Variants in CSMD1 observed in about 807,000 individuals in gnomAD.
CSMD1 encodes the protein CUB and sushi domain-containing protein 1.
In CSMD1, 213 loss-of-function variants were observed where a neutral mutation model predicts 417.5. The observed-to-expected ratio is 0.51, with a 90% CI of 0.46 to 0.57. CSMD1 has a LOEUF of 0.57. CSMD1 is among the 20% of genes least tolerant of loss of function. The probability of loss-of-function intolerance (pLI) is 0.00; values close to 1 mark genes in which losing one functional copy is unlikely to be tolerated. For missense variants in CSMD1, 6,923 were observed against 4,529.7 expected, an observed-to-expected ratio of 1.53 and a Z score of -15.17; for synonymous variants, 2,862 against 1,736.8, an observed-to-expected ratio of 1.65 and a Z score of -16.11.
intron 10 of CSMD1, among the ~76,000 whole-genome samples, chr8:3,512,807 T>C (rs1797131893): frequency 6.6e-6 from 1 of 151,966 alleles, no homozygotes; most frequent in Non-Finnish European, 1.5e-5. Context: ...GGTTTCACCA[T>C]GTTGGCTAGG....
intron 5 of CSMD1, among the ~76,000 whole-genome samples, chr8:3,935,488 T>C (rs974329481): frequency 6.6e-6 from 1 of 152,186 alleles, no homozygotes; most frequent in African/African-American, 2.4e-5. Context: ...TTATTCCAAT[T>C]GCATCTACTC....
chr8:4,055,815 G>A (rs531056803), intron 3 of CSMD1, among the ~76,000 whole-genome samples: 1 of 151,250 alleles, frequency 6.6e-6, no homozygotes, highest in African/African-American at 2.5e-5. Flanking sequence ...CACTGAAGCA[G>A]AAGTGTTGAT....
chr8:4,279,942 A>G (rs1339279086), intron 3 of CSMD1, among the ~76,000 whole-genome samples: 3 of 152,226 alleles, frequency 2.0e-5, no homozygotes, highest in Non-Finnish European at 4.4e-5. Context: ...AAATCACAAG[A>G]AAAGTACATA....
intron 3 of CSMD1, among the ~76,000 whole-genome samples, chr8:4,113,826 G>C (rs1307723413): frequency 6.6e-6 from 1 of 152,250 alleles, no homozygotes; most frequent in African/African-American, 2.4e-5. Context: ...CTTAAACCAA[G>C]GCCTACTTCA....
At chr8:3,780,970 T>C (rs1024928508) in intron 5 of CSMD1, among the ~76,000 whole-genome samples, 4 of 152,232 alleles carry the variant, frequency 2.6e-5, no homozygotes, top group African/African-American at 9.6e-5. Context: ...TCTGTCTTCA[T>C]GATCTGAAAA....
intron 3 of CSMD1, among the ~76,000 whole-genome samples, chr8:4,350,851 G>A (rs1801050608): frequency 6.6e-6 from 1 of 152,158 alleles, no homozygotes; most frequent in Non-Finnish European, 1.5e-5. Flanking sequence ...GACACTATCT[G>A]CCAGTGGCTC....
chr8:3,551,788 G>C (rs1798926757), intron 10 of CSMD1, among the ~76,000 whole-genome samples: 1 of 152,066 alleles, frequency 6.6e-6, no homozygotes, highest in Non-Finnish European at 1.5e-5. Flanking sequence ...TCTCTGTAAT[G>C]TGATCATGCT....
intron 2 of CSMD1, among the ~76,000 whole-genome samples, chr8:4,485,864 G>C (rs1585151729): frequency 6.6e-6 from 1 of 152,020 alleles, no homozygotes; most frequent in Middle Eastern, 3.4e-3. Flanking sequence ...CCCCATTATG[G>C]TGACATTTCA....
chr8:4,369,331 T>A (rs192326209), intron 3 of CSMD1, among the ~76,000 whole-genome samples: 14 of 152,284 alleles, frequency 9.2e-5, no homozygotes, highest in African/African-American at 1.9e-4. Context: ...AATTTTTTTT[T>A]AAATTTATTG....
chr8:3,413,530 G>A (rs1036010635), intron 12 of CSMD1, among the ~76,000 whole-genome samples: 4 of 152,278 alleles, frequency 2.6e-5, no homozygotes, highest in Middle Eastern at 3.4e-3. Flanking sequence ...AACTCAGTAG[G>A]TTTGTGTGTT....
chr8:3,155,858 T>A (rs1819497262), intron 39 of CSMD1, among the ~76,000 whole-genome samples: 1 of 152,168 alleles, frequency 6.6e-6, no homozygotes, highest in Non-Finnish European at 1.5e-5. Flanking sequence ...GATGAGCCTA[T>A]CATAAAGGCT....
At chr8:3,881,852 G>C (rs1488781837) in intron 5 of CSMD1, among the ~76,000 whole-genome samples, 1 of 151,938 alleles carries the variant, frequency 6.6e-6, no homozygotes, top group Non-Finnish European at 1.5e-5. Flanking sequence ...CAGGGCAAGG[G>C]GAAAAGGATT....
chr8:3,860,176 A>G (rs1804600624), intron 5 of CSMD1, among the ~76,000 whole-genome samples: 1 of 152,168 alleles, frequency 6.6e-6, no homozygotes, highest in African/African-American at 2.4e-5. Flanking sequence ...AGCAGGCAGT[A>G]GAAAGTTTGA....
intron 42 of CSMD1, among the ~76,000 whole-genome samples, chr8:3,110,927 T>C (rs986463537): frequency 3.2e-4 from 49 of 152,246 alleles, no homozygotes; most frequent in Non-Finnish European, 6.8e-4. Flanking sequence ...ACCCAATTTA[T>C]TTTCATTTTT....
chr8:4,591,865 T>A (rs1391154785), intron 2 of CSMD1, among the ~76,000 whole-genome samples: 1 of 151,998 alleles, frequency 6.6e-6, no homozygotes, highest in African/African-American at 2.4e-5. Context: ...GAGAAAGTAA[T>A]GACCAAGGGA....
chr8:3,531,771 G>C (rs542957193), intron 10 of CSMD1, among the ~76,000 whole-genome samples: 1 of 152,180 alleles, frequency 6.6e-6, no homozygotes, highest in Non-Finnish European at 1.5e-5. Flanking sequence ...CTGGAAGATC[G>C]GGCTGCAAAC....
chr8:4,414,667 C>T (rs1353282406), intron 3 of CSMD1, among the ~76,000 whole-genome samples: 1 of 152,058 alleles, frequency 6.6e-6, no homozygotes. Context: ...TTTTTCAATA[C>T]CAATACTTAC....
intron 1 of CSMD1, among the ~76,000 whole-genome samples, chr8:4,792,949 T>C (rs1343095435): frequency 6.7e-6 from 1 of 149,826 alleles, no homozygotes; most frequent in Admixed American, 6.7e-5. Flanking sequence ...AAATTATATA[T>C]GTATATGGAA....
rs138367514 is a variant in CSMD1, at chr8:4,296,511, T to C, written c.415+123442A>G. ...TTAATATCTTTTCCCAAAGAGAGGGTTTATCTATTTCTGATGTTAAGCATT... is the reference window on the plus strand; with the variant it reads ...TTAATATCTTTTCCCAAAGAGAGGGCTTATCTATTTCTGATGTTAAGCATT... On this transcript the variant is annotated intron_variant, in intron 3 of 69. Transcript: ENST00000635120. Among the ~76,000 whole-genome samples the C allele has an allele frequency of 2.0e-5, 3 of 152,122 alleles. No individual in the cohort carries two copies. The East Asian group carries it at 5.8e-4, about 29-fold the overall frequency.
Sources: gnomAD v4.1 joint callset for allele counts (sites outside exome capture counted in the v4.1 genomes callset) on GRCh38, gnomAD v4.1.1 for gene constraint, MANE v1.5 for transcripts, NCBI Gene and HGNC (gene_info 2026-07-23, HGNC 2026-07-21) for gene names.